The following ARHGAP26 variants were observed in gnomAD, a reference collection of about 807,000 sequenced individuals.
The protein encoded by ARHGAP26 is rho GTPase-activating protein 26.
Under a neutral mutation model 104.8 loss-of-function variants are expected in ARHGAP26, and 38 were observed. The observed-to-expected ratio is 0.36, with a 90% CI of 0.28 to 0.48. The LOEUF (loss-of-function observed/expected upper bound fraction) is 0.48, where lower values mean the gene tolerates loss of function less well. Ranked by LOEUF, ARHGAP26 falls within the 20% of genes least tolerant of loss-of-function variation. ARHGAP26 has a pLI of 0.99. For synonymous variants in ARHGAP26, 341 were observed against 340.0 expected, an observed-to-expected ratio of 1.00 and a Z score of -0.03; for missense variants, 704 against 947.9, an observed-to-expected ratio of 0.74 and a Z score of 3.38.
intron 17 of ARHGAP26, among the ~76,000 whole-genome samples, chr5:143,091,682 A>T (rs1598969711): frequency 6.6e-6 from 1 of 152,214 alleles, no homozygotes; most frequent in East Asian, 1.9e-4. Flanking sequence ...TTAACATCTG[A>T]CCATAAGGTA....
Position 142,875,138 on chromosome 5 carries a change from C to A in ARHGAP26, c.279C>A (p.Val93=). The change falls in exon 3 of 23, where the codon GTC becomes GTA. Residue 93 remains valine (V), a synonymous_variant. Coordinates refer to ENST00000645722, the MANE Select transcript of ARHGAP26 (RefSeq NM_001135608.3). ...IARSLQEFAT[V]LRNLEDERIR... is the part of the protein sequence containing the mutation. ...GATCTTTGCAGGAGTTTGCCACTGTCCTCAGGAATCTTGAAGATGAACGGA... is the reference window on the plus strand; with the variant it reads ...GATCTTTGCAGGAGTTTGCCACTGTACTCAGGAATCTTGAAGATGAACGGA... 9.3e-6 allele frequency: 15 copies of A among 1,614,136 alleles called. No individual in the cohort carries two copies. Among genetic ancestry groups the A allele is most frequent in the Non-Finnish European group, 1.3e-5 (15 of 1,180,002 alleles).
chr5:142,879,620 A>T (rs956403684), intron 4 of ARHGAP26, among the ~76,000 whole-genome samples, 175 bp downstream of exon 4: 5 of 152,212 alleles, frequency 3.3e-5, no homozygotes, highest in African/African-American at 4.8e-5. Flanking sequence ...TTTACGGGTG[A>T]CTGAAGTACG....
chr5:142,840,961 T>C (rs1770677336), intron 1 of ARHGAP26, among the ~76,000 whole-genome samples: 4 of 152,180 alleles, frequency 2.6e-5, no homozygotes, highest in Admixed American at 1.3e-4. Flanking sequence ...TTCCTTGAGA[T>C]GGAAAGTGTG....
chr5:142,963,652 C>T (rs1770785009), intron 11 of ARHGAP26, among the ~76,000 whole-genome samples: 1 of 152,130 alleles, frequency 6.6e-6, no homozygotes, highest in African/African-American at 2.4e-5. Flanking sequence ...GTCACCTGTG[C>T]CTTCTCAGAG....
chr5:142,993,436 T>A (rs549576645), intron 11 of ARHGAP26, among the ~76,000 whole-genome samples: 1 of 152,108 alleles, frequency 6.6e-6, no homozygotes, highest in Non-Finnish European at 1.5e-5. Context: ...CCCAAAGTGC[T>A]GGGATTGCAG....
At chr5:142,823,599 G>T (rs946154485) in intron 1 of ARHGAP26, among the ~76,000 whole-genome samples, 2 of 152,008 alleles carry the variant, frequency 1.3e-5, no homozygotes, top group Admixed American at 6.5e-5. Context: ...CTGATCATAA[G>T]CAAGTACTAT....
chr5:142,876,287 C>T (rs944639780), intron 3 of ARHGAP26, among the ~76,000 whole-genome samples: 11 of 152,088 alleles, frequency 7.2e-5, no homozygotes, highest in South Asian at 6.2e-4. Flanking sequence ...GTTGGTAGTT[C>T]GAACACTATT....
chr5:143,046,909 A>G (rs533469461), intron 14 of ARHGAP26, among the ~76,000 whole-genome samples: 6 of 152,360 alleles, frequency 3.9e-5, no homozygotes, highest in Non-Finnish European at 7.3e-5. Context: ...GTTTTGTCAT[A>G]TGACATCAAA....
chr5:143,115,362 A>T (rs76439586), intron 17 of ARHGAP26, among the ~76,000 whole-genome samples: 23 of 15,042 alleles, frequency 1.5e-3, no homozygotes, highest in Non-Finnish European at 0.012. Flanking sequence ...AAAAAACGAA[A>T]GAAAGAAAAG....
intron 17 of ARHGAP26, among the ~76,000 whole-genome samples, chr5:143,107,127 G>T (rs1001465613): frequency 6.6e-6 from 1 of 152,140 alleles, no homozygotes; most frequent in Non-Finnish European, 1.5e-5. Context: ...TGCCCAGAAG[G>T]GTGCATGGCA....
intron 17 of ARHGAP26, among the ~76,000 whole-genome samples, chr5:143,058,428 G>C (rs1786181762): frequency 6.6e-6 from 1 of 152,224 alleles, no homozygotes; most frequent in African/African-American, 2.4e-5. Flanking sequence ...GAATATTTGT[G>C]TATTTACTGT....
intron 22 of ARHGAP26, 76 bp from the exon 23 acceptor site, chr5:143,222,282 C>A: frequency 1.1e-6 from 1 of 876,144 alleles, no homozygotes. Context: ...CACACACACA[C>A]ACCCCACACA....
chr5:142,784,760 A>G (rs1758202144), intron 1 of ARHGAP26, among the ~76,000 whole-genome samples: 1 of 152,122 alleles, frequency 6.6e-6, no homozygotes, highest in African/African-American at 2.4e-5. Flanking sequence ...TTTGCAGCAT[A>G]CAATTCAATG....
chr5:143,207,462 T>C (rs111255704), intron 21 of ARHGAP26, 154 bp downstream of exon 21: 1 of 1,613,998 alleles, frequency 6.2e-7, no homozygotes, highest in Non-Finnish European at 8.5e-7. Flanking sequence ...AAGCGGTACA[T>C]GAAGACTCCA....
chr5:142,895,269 C>A (rs572957508), intron 6 of ARHGAP26, among the ~76,000 whole-genome samples: 1 of 152,086 alleles, frequency 6.6e-6, no homozygotes, highest in South Asian at 2.1e-4. Flanking sequence ...CTCGCTCTGT[C>A]ACCCAGGCTG....
At chr5:143,176,427 C>G (rs1350826022) in intron 20 of ARHGAP26, among the ~76,000 whole-genome samples, 1 of 152,190 alleles carries the variant, frequency 6.6e-6, no homozygotes, top group African/African-American at 2.4e-5. Flanking sequence ...CAGGCGAACC[C>G]TTTGGGCAGA....
intron 20 of ARHGAP26, among the ~76,000 whole-genome samples, chr5:143,198,494 G>A (rs1407023542): frequency 2.0e-5 from 3 of 152,096 alleles, no homozygotes; most frequent in Non-Finnish European, 4.4e-5. Context: ...TGTGAGCCAC[G>A]GTGCACAATA....
chr5:143,147,354 T>A lies in ARHGAP26; in HGVS notation c.1961T>A (p.Val654Glu). Reference sequence around the variant, plus strand: ...AACTCCAGTGACCCAGACCTGGCTGTGGTCAAACCCACCCGGCCCAACTCA... The same window carrying A: ...AACTCCAGTGACCCAGACCTGGCTGAGGTCAAACCCACCCGGCCCAACTCA... Reference protein sequence around the residue: ...NMNSSDPDLAVVKPTRPNSLP... With the variant: ...NMNSSDPDLAEVKPTRPNSLP... The change falls in exon 20 of 23, where the codon GTG (valine) becomes GAG (glutamate). Residue 654 changes from valine to glutamate, a missense_variant. By Grantham distance (121) the Val-to-Glu change is moderately radical. This residue lies in a region of ARHGAP26 where 217 missense variants were observed against 242.6 expected (regional missense o/e 0.89). Transcript: ENST00000645722. 1.2e-6 allele frequency: 2 copies of A among 1,613,952 alleles called. No homozygotes were observed. Among genetic ancestry groups the A allele is most frequent in the Non-Finnish European group, 1.7e-6 (2 of 1,179,908 alleles).
At chr5:142,939,503 C>G (rs147558491) in intron 11 of ARHGAP26, among the ~76,000 whole-genome samples, 287 of 152,346 alleles carry the variant, frequency 1.9e-3, no homozygotes, top group Admixed American at 3.5e-3. Flanking sequence ...TGCCCGAGCT[C>G]TAACCCCCTA....
Sources: gnomAD v4.1 joint callset for allele counts (sites outside exome capture counted in the v4.1 genomes callset) on GRCh38, gnomAD v4.1.1 for gene constraint, gnomAD v4.1.1 regional missense constraint, MANE v1.5 for transcripts, NCBI Gene and HGNC (gene_info 2026-07-23, HGNC 2026-07-21) for gene names.